Variants in MIPOL1 observed in about 807,000 individuals in gnomAD.
MIPOL1 encodes the protein mirror-image polydactyly 1.
MIPOL1 carries 57 observed loss-of-function variants against 60.9 expected under a neutral mutation model. That is an observed-to-expected ratio of 0.94 (90% confidence interval 0.76 to 1.17). The LOEUF is 1.17. MIPOL1 is among the 50% of genes most tolerant of loss of function. The probability of loss-of-function intolerance (pLI) is 0.00; values close to 1 mark genes in which losing one functional copy is unlikely to be tolerated. For missense variants in MIPOL1, 551 were observed against 511.6 expected (o/e 1.08, Z -0.74); for synonymous variants, 179 against 168.8 (o/e 1.06, Z -0.47).
chr14:37,204,497 C>T (rs924174137), intron 1 of MIPOL1, among the ~76,000 whole-genome samples: 8 of 152,034 alleles, frequency 5.3e-5, no homozygotes, highest in Admixed American at 3.3e-4. Flanking sequence ...TCTCTCATAC[C>T]GTTCTCATGG....
chr14:37,444,456 T>C (rs1253367251), intron 11 of MIPOL1, among the ~76,000 whole-genome samples: 2 of 152,206 alleles, frequency 1.3e-5, no homozygotes, highest in Non-Finnish European at 2.9e-5. Context: ...TCTCTCCAAA[T>C]TGATCTGCAG....
chr14:37,426,617 T>C (rs1457960408), intron 11 of MIPOL1, among the ~76,000 whole-genome samples: 1 of 103,844 alleles, frequency 9.6e-6, no homozygotes, highest in Non-Finnish European at 2.0e-5. Flanking sequence ...ACATATATAA[T>C]ATGTATATAT....
chr14:37,221,778 G>T (rs886551559), intron 1 of MIPOL1, among the ~76,000 whole-genome samples: 9 of 152,132 alleles, frequency 5.9e-5, no homozygotes, highest in African/African-American at 2.2e-4. Context: ...ACAGTTGCAC[G>T]TAAGATTTGG....
chr14:37,540,092 C>A (rs775510224), intron 12 of MIPOL1, among the ~76,000 whole-genome samples: 1 of 152,208 alleles, frequency 6.6e-6, no homozygotes, highest in Admixed American at 6.5e-5. Flanking sequence ...CCAGGCTGAA[C>A]TGTGAATCAT....
chr14:37,198,227 A>T (rs1007148100), intron 1 of MIPOL1, 123 bp downstream of exon 1: 1 of 152,370 alleles, frequency 6.6e-6, no homozygotes, highest in Non-Finnish European at 1.5e-5. Context: ...CGGAATCTGT[A>T]CTTAGTGAAT....
chr14:37,341,621 T>A (rs1031571086), intron 9 of MIPOL1, among the ~76,000 whole-genome samples: 3 of 152,180 alleles, frequency 2.0e-5, no homozygotes, highest in African/African-American at 4.8e-5. Context: ...AAATTTTTTT[T>A]ATAAGTTTAG....
rs1329778088 is a variant in MIPOL1 at position 37,217,661 on chromosome 14, C to T, written c.-199+19557C>T. Among the ~76,000 whole-genome samples the T allele has an allele frequency of 5.3e-5, 8 of 152,152 alleles. No individual in the cohort carries two copies. The South Asian group carries it at 1.0e-3, about 20-fold the overall frequency. ...AAAACCATACAATCATTTCAATTGA[C>T]GCTGAAAAGATTTGATAAAATTCAG... On this transcript the variant is annotated intron_variant, in intron 1 of 12. Transcript: ENST00000684589.
At chr14:37,282,322 A>C (rs978039144) in intron 6 of MIPOL1, among the ~76,000 whole-genome samples, 1 of 151,330 alleles carries the variant, frequency 6.6e-6, no homozygotes, top group Non-Finnish European at 1.5e-5. Flanking sequence ...GCTCACTGCA[A>C]CCTCCACCTC....
intron 1 of MIPOL1, among the ~76,000 whole-genome samples, chr14:37,237,267 T>G (rs1204516750): frequency 1.3e-5 from 2 of 152,118 alleles, no homozygotes; most frequent in Non-Finnish European, 2.9e-5. Flanking sequence ...AGCACAGACA[T>G]GCACAACAAT....
chr14:37,317,682 G>C (rs2088072694), intron 9 of MIPOL1, among the ~76,000 whole-genome samples: 1 of 152,102 alleles, frequency 6.6e-6, no homozygotes, highest in South Asian at 2.1e-4. Context: ...TAGAATTCTT[G>C]GTTTGTCAAG....
At chr14:37,356,917 A>G (rs1041846210) in intron 9 of MIPOL1, among the ~76,000 whole-genome samples, 2 of 152,114 alleles carry the variant, frequency 1.3e-5, no homozygotes, top group African/African-American at 4.8e-5. Flanking sequence ...CTATTCGGCC[A>G]TCTTGGCTCC....
intron 9 of MIPOL1, among the ~76,000 whole-genome samples, chr14:37,323,843 A>G (rs988770451): frequency 1.3e-5 from 2 of 151,904 alleles, no homozygotes; most frequent in African/African-American, 4.8e-5. Context: ...CTAGAATTTT[A>G]TGTAAGTGGT....
intron 1 of MIPOL1, among the ~76,000 whole-genome samples, chr14:37,223,180 G>A (rs777642097): frequency 4.6e-5 from 7 of 151,830 alleles, no homozygotes; most frequent in Non-Finnish European, 7.4e-5. Context: ...TTACAAGCAT[G>A]CGCCACCACA....
At chr14:37,327,043 A>G (rs1260445379) in intron 9 of MIPOL1, among the ~76,000 whole-genome samples, 2 of 152,192 alleles carry the variant, frequency 1.3e-5, no homozygotes, top group Non-Finnish European at 2.9e-5. Context: ...ATGAACTCAG[A>G]CAAGAGTAAT....
intron 11 of MIPOL1, among the ~76,000 whole-genome samples, chr14:37,439,810 A>G (rs1206268022): frequency 6.6e-6 from 1 of 152,170 alleles, no homozygotes; most frequent in East Asian, 1.9e-4. Flanking sequence ...GCATAACCAC[A>G]ATACCATTAA....
In MIPOL1 at chr14:37,308,484, G is replaced by A. The variant is rs2086981909; in HGVS notation, c.793G>A (p.Ala265Thr). ...GAGAATAACTGCAGAAGAAATGAGT[G>A]CACTAATAGAAGAACGGGATGCTGC... ...KMRITAEEMS[A>T]LIEERDAALS... The change falls in exon 9 of 13, where the codon GCA (alanine) becomes ACA (threonine). Residue 265 changes from alanine to threonine, a missense_variant. Ala to Thr is a moderately conservative substitution (Grantham distance 58). Transcript: ENST00000684589. 1 of 1,594,994 alleles carries A rather than the reference G, an allele frequency of 6.3e-7. No homozygotes were observed. The highest frequency in any genetic ancestry group is 1.8e-5 in the Admixed American group (1 of 55,490).
intron 10 of MIPOL1, among the ~76,000 whole-genome samples, chr14:37,420,281 G>A (rs964650230): frequency 6.6e-6 from 1 of 152,088 alleles, no homozygotes; most frequent in Admixed American, 6.6e-5. Context: ...GAGGGTAGGA[G>A]GTGGGAGATT....
At chr14:37,304,410 T>A (rs1369575357) in intron 7 of MIPOL1, among the ~76,000 whole-genome samples, 1 of 151,834 alleles carries the variant, frequency 6.6e-6, no homozygotes, top group Non-Finnish European at 1.5e-5. Context: ...TACATACTCT[T>A]ATATACGTTT....
chr14:37,518,625 G>A (rs749434315), intron 12 of MIPOL1, among the ~76,000 whole-genome samples: 6 of 152,134 alleles, frequency 3.9e-5, no homozygotes, highest in Non-Finnish European at 7.3e-5. Context: ...ATGAGCCACC[G>A]CAACTGGCGT....
Sources: gnomAD v4.1 joint callset for allele counts (sites outside exome capture counted in the v4.1 genomes callset) on GRCh38, gnomAD v4.1.1 for gene constraint, MANE v1.5 for transcripts, NCBI Gene and HGNC (gene_info 2026-07-23, HGNC 2026-07-21) for gene names.